Variants in MTUS2 observed in about 807,000 individuals in gnomAD.
MTUS2 encodes microtubule-associated tumor suppressor candidate 2.
A neutral mutation model predicts 114.1 loss-of-function variants in MTUS2; 40 were observed. The observed-to-expected ratio is 0.35, with a 90% CI of 0.27 to 0.46. The LOEUF is 0.46. Ranked by LOEUF, MTUS2 falls within the 20% of genes least tolerant of loss-of-function variation. The pLI is 1.00. For synonymous variants in MTUS2, 688 were observed against 672.0 expected (o/e 1.02, Z -0.37); for missense variants, 1,679 against 1,705.4 (o/e 0.98, Z 0.27).
At chr13:29,300,431 T>C (rs982749726) in intron 6 of MTUS2, among the ~76,000 whole-genome samples, 15 of 152,322 alleles carry the variant, frequency 9.8e-5, no homozygotes, top group Admixed American at 3.3e-4. Context: ...TTAATGCAGA[T>C]GGTCTTTTGG....
intron 6 of MTUS2, among the ~76,000 whole-genome samples, chr13:29,317,088 C>T (rs561710007): frequency 2.0e-5 from 3 of 152,170 alleles, no homozygotes; most frequent in South Asian, 2.1e-4. Context: ...AATTAATTAT[C>T]CCTTAGTCTT....
chr13:29,470,627 C>A (rs986279104), intron 9 of MTUS2, among the ~76,000 whole-genome samples: 2 of 152,226 alleles, frequency 1.3e-5, no homozygotes, highest in Non-Finnish European at 2.9e-5. Context: ...AAGCTTCATT[C>A]GTTCCTGTTA....
chr13:29,048,681 G>A (rs1887747237), intron 4 of MTUS2, among the ~76,000 whole-genome samples: 1 of 152,136 alleles, frequency 6.6e-6, no homozygotes, highest in African/African-American at 2.4e-5. Flanking sequence ...TATTGCCCAG[G>A]CTGATCTCAA....
At chr13:28,939,906 GT>G (rs1451990657) in intron 2 of MTUS2, among the ~76,000 whole-genome samples, 2 of 152,186 alleles carry the variant, frequency 1.3e-5, no homozygotes, top group Non-Finnish European at 2.9e-5. Context: ...GAGGAGCTAA[GT>G]CATGTCTTAC....
At chr13:29,501,395 G>C (rs1005459439) in intron 15 of MTUS2, among the ~76,000 whole-genome samples, 4 of 152,204 alleles carry the variant, frequency 2.6e-5, no homozygotes, top group African/African-American at 9.7e-5. Flanking sequence ...CACCTTGAGA[G>C]AAATGAGTGA....
At chr13:29,138,571 AGATG>A (rs976938358) in intron 5 of MTUS2, among the ~76,000 whole-genome samples, 2 of 57,580 alleles carry the variant, frequency 3.5e-5, no homozygotes, top group Non-Finnish European at 1.1e-4. Flanking sequence ...AAAAATTAAT[AGATG>A]GATGACTAGA....
At chr13:29,353,915 C>T (rs965055123) in intron 7 of MTUS2, among the ~76,000 whole-genome samples, 1 of 152,166 alleles carries the variant, frequency 6.6e-6, no homozygotes, top group Non-Finnish European at 1.5e-5. Context: ...CAGGTATGCA[C>T]TGATCAGAAT....
chr13:28,974,821 A>G (rs1002847084), intron 2 of MTUS2, among the ~76,000 whole-genome samples: 2 of 152,252 alleles, frequency 1.3e-5, no homozygotes, highest in African/African-American at 2.4e-5. Flanking sequence ...ACTGTTCACC[A>G]AAATGCCACA....
At chr13:29,435,580 A>T (rs531254475) in intron 8 of MTUS2, among the ~76,000 whole-genome samples, 1 of 152,236 alleles carries the variant, frequency 6.6e-6, no homozygotes, top group South Asian at 2.1e-4. Context: ...ACCTTGATGG[A>T]TGGAGGAATA....
chr13:29,227,702 A>G (rs1896166574), intron 5 of MTUS2, among the ~76,000 whole-genome samples: 1 of 152,214 alleles, frequency 6.6e-6, no homozygotes, highest in South Asian at 2.1e-4. Context: ...TTATCCTTGG[A>G]ATAAAACTGT....
chr13:29,223,816 T>A (rs932941107), intron 5 of MTUS2, among the ~76,000 whole-genome samples: 19 of 152,246 alleles, frequency 1.2e-4, no homozygotes, highest in African/African-American at 4.3e-4. Flanking sequence ...GAGCCAGGGC[T>A]GTGACACCCT....
chr13:29,067,871 G>A (rs1888733471), intron 4 of MTUS2, among the ~76,000 whole-genome samples: 3 of 152,138 alleles, frequency 2.0e-5, no homozygotes, highest in Admixed American at 6.5e-5. Context: ...GTGGAACACT[G>A]ATTCTTCTAA....
intron 2 of MTUS2, among the ~76,000 whole-genome samples, chr13:28,889,170 G>C (rs1289492000): frequency 6.6e-6 from 1 of 152,102 alleles, no homozygotes. Flanking sequence ...GTTCCCTGGA[G>C]GTGTAGCTCT....
intron 2 of MTUS2, among the ~76,000 whole-genome samples, chr13:28,990,358 A>G (rs1884776734): frequency 6.6e-6 from 1 of 152,126 alleles, no homozygotes; most frequent in South Asian, 2.1e-4. Flanking sequence ...TCTAAGAGTG[A>G]GAGGTGAAGC....
At chr13:29,448,804 A>G (rs1253033283) in intron 9 of MTUS2, among the ~76,000 whole-genome samples, 3 of 130,752 alleles carry the variant, frequency 2.3e-5, no homozygotes, top group East Asian at 4.9e-4. Flanking sequence ...CCCAAACTGG[A>G]GTGCAGTGGT....
intron 2 of MTUS2, among the ~76,000 whole-genome samples, chr13:28,864,642 A>G (rs1370405646): frequency 2.0e-5 from 3 of 152,224 alleles, no homozygotes; most frequent in South Asian, 2.1e-4. Context: ...GTGCTTGATC[A>G]AGAAGTTGTA....
At chr13:29,337,758 C>A (rs1901150305) in intron 7 of MTUS2, among the ~76,000 whole-genome samples, 1 of 149,370 alleles carries the variant, frequency 6.7e-6, no homozygotes, top group Non-Finnish European at 1.5e-5. Context: ...CCTGCCACCA[C>A]CCCTGGCTAA....
chr13:29,004,601 T>C (rs930846874), intron 2 of MTUS2, among the ~76,000 whole-genome samples: 4 of 152,238 alleles, frequency 2.6e-5, no homozygotes, highest in East Asian at 1.9e-4. Context: ...TTCCAGACTA[T>C]GTGTATCATC....
At chr13:28,900,322 G>T (rs1022269646) in intron 2 of MTUS2, among the ~76,000 whole-genome samples, 1 of 152,182 alleles carries the variant, frequency 6.6e-6, no homozygotes, top group African/African-American at 2.4e-5. Context: ...ATGTGTGTGT[G>T]TTCCATGCAG....
Sources: allele counts gnomAD v4.1 joint callset (sites outside exome capture counted in the v4.1 genomes callset), GRCh38; gene constraint gnomAD v4.1.1; transcripts MANE v1.5; gene names NCBI Gene and HGNC (gene_info 2026-07-23, HGNC 2026-07-21).